Variants in THUMPD2 observed in about 807,000 individuals in gnomAD.
The protein encoded by THUMPD2 is THUMP domain 2 tRNA and snRNA guanosine methyltransferase, also known as U6 snRNA (guanine-N(2))-methyltransferase THUMPD2.
Under a neutral mutation model 49.4 loss-of-function variants are expected in THUMPD2, and 56 were observed. The observed-to-expected ratio is 1.13, with a 90% confidence interval of 0.91 to 1.41. The LOEUF is 1.41. Ranked by LOEUF, THUMPD2 falls within the 40% of genes most tolerant of loss-of-function variation. The pLI is 0.00. For missense variants in THUMPD2, 709 were observed against 594.5 expected (o/e 1.19, Z -2.00); for synonymous variants, 237 against 205.2 (o/e 1.15, Z -1.32).
At chr2:39,774,276 T>C (rs898450854) in intron 1 of THUMPD2, among the ~76,000 whole-genome samples, 5 of 152,262 alleles carry the variant, frequency 3.3e-5, no homozygotes, top group African/African-American at 9.6e-5. Flanking sequence ...CTTTCTTAAA[T>C]GTATGTATAG....
At chr2:39,743,719 A>G (rs1479402109) in intron 9 of THUMPD2, among the ~76,000 whole-genome samples, 2 of 152,106 alleles carry the variant, frequency 1.3e-5, no homozygotes, top group Non-Finnish European at 2.9e-5. Context: ...TTCTGCCATG[A>G]CTAGAAGCAG....
chr2:39,767,306 T>C (rs949576732), intron 4 of THUMPD2, among the ~76,000 whole-genome samples: 4 of 152,050 alleles, frequency 2.6e-5, no homozygotes, highest in African/African-American at 9.7e-5. Flanking sequence ...GAGAAGATGA[T>C]TAAGAATTGG....
intron 4 of THUMPD2, among the ~76,000 whole-genome samples, chr2:39,767,951 T>G (rs1470888716): frequency 6.6e-6 from 1 of 152,192 alleles, no homozygotes; most frequent in Non-Finnish European, 1.5e-5. Context: ...TACAAATACT[T>G]GTTTGTTCCA....
chr2:39,773,661 G>T (rs1191968144), intron 1 of THUMPD2, among the ~76,000 whole-genome samples: 1 of 146,278 alleles, frequency 6.8e-6, no homozygotes, highest in African/African-American at 2.5e-5. Context: ...TGGGGCAAGT[G>T]GTTTCCAAAA....
At chr2:39,756,134 A>G (rs1676085798) in intron 6 of THUMPD2, among the ~76,000 whole-genome samples, 174 bp from the exon 7 acceptor site, 2 of 152,110 alleles carry the variant, frequency 1.3e-5, no homozygotes, top group African/African-American at 4.8e-5. Context: ...AAGTTGAAAG[A>G]TATTTCAGCA....
chr2:39,779,244 G>A lies in THUMPD2; in HGVS notation c.-5C>T, dbSNP rs1218257492. ...CTCTCCACGCGCCTCCGACATGGCGGCTCAGGCGCGCCCTCGCGCCTTCGG... is the reference window on the plus strand; with the variant it reads ...CTCTCCACGCGCCTCCGACATGGCGACTCAGGCGCGCCCTCGCGCCTTCGG... On this transcript the variant is annotated 5_prime_UTR_variant, in exon 1 of 10. Transcript: ENST00000505747. 4.0e-6 allele frequency: 6 copies of A among 1,486,804 alleles called. No homozygotes were observed. The highest frequency in any genetic ancestry group is 2.9e-5 in the East Asian group (1 of 35,048). The allele number at this position is 1,486,804 out of a possible 1,614,324, so 92.1% of individuals were successfully genotyped here.
intron 1 of THUMPD2, among the ~76,000 whole-genome samples, chr2:39,773,277 A>C (rs975845923): frequency 6.6e-6 from 1 of 152,110 alleles, no homozygotes; most frequent in African/African-American, 2.4e-5. Flanking sequence ...TAAAGCCATC[A>C]TAGAACAATT....
chr2:39,773,257 T>C (rs544950846), intron 1 of THUMPD2, among the ~76,000 whole-genome samples: 5 of 152,254 alleles, frequency 3.3e-5, no homozygotes, highest in East Asian at 1.9e-4. Context: ...CATAAGAATA[T>C]AGTTGATACT....
chr2:39,746,413 C>T (rs1203184793), intron 8 of THUMPD2, among the ~76,000 whole-genome samples: 1 of 152,132 alleles, frequency 6.6e-6, no homozygotes, highest in Non-Finnish European at 1.5e-5. Context: ...AGATTGTTGT[C>T]CCCATCTCCG....
At chr2:39,764,461 G>T (rs569337961) in intron 5 of THUMPD2, among the ~76,000 whole-genome samples, 1 of 152,162 alleles carries the variant, frequency 6.6e-6, no homozygotes, top group Non-Finnish European at 1.5e-5. Context: ...TGTACAGAGT[G>T]GCAACAGCTA....
Position 39,744,468 on chromosome 2 carries a change from C to G in THUMPD2, c.1089G>C (p.Leu363Phe). 1.9e-6 allele frequency: 3 copies of G among 1,566,268 alleles called. No homozygotes were observed. In the East Asian group the frequency reaches 7.2e-5, roughly 38 times the overall value. Residue 363 changes from leucine to phenylalanine, a missense_variant, in exon 9 of 10, where the codon TTG becomes TTC. Coordinates refer to ENST00000505747, the MANE Select transcript of THUMPD2 (RefSeq NM_025264.5). ...LLKISVIELP[L>F]PSESVDIIIS... is the part of the protein sequence containing the mutation. ...TAATAATATCAACACTTTCTGAAGG[C>G]AATGGCAATTCTGAAATATAGAAAT... is the stretch of plus-strand genomic sequence containing the variant.
At chr2:39,773,040 C>G (rs573865499) in intron 1 of THUMPD2, among the ~76,000 whole-genome samples, 5 of 152,082 alleles carry the variant, frequency 3.3e-5, no homozygotes, top group Non-Finnish European at 7.4e-5. Flanking sequence ...TGGGAGGAAG[C>G]AGGGAATGAA....
At chr2:39,771,876 T>C (rs1031882767) in intron 1 of THUMPD2, among the ~76,000 whole-genome samples, 2 of 152,166 alleles carry the variant, frequency 1.3e-5, no homozygotes, top group Non-Finnish European at 2.9e-5. Context: ...GTATAATGTA[T>C]TGGACAAATT....
intron 8 of THUMPD2, among the ~76,000 whole-genome samples, chr2:39,752,199 A>T (rs1384128160): frequency 2.0e-5 from 3 of 152,238 alleles, no homozygotes; most frequent in Admixed American, 6.5e-5. Flanking sequence ...GCTGTGTGTT[A>T]CACACTGTAC....
At chr2:39,768,125 T>C (rs918120418) in intron 4 of THUMPD2, among the ~76,000 whole-genome samples, 3 of 152,200 alleles carry the variant, frequency 2.0e-5, no homozygotes, top group African/African-American at 7.2e-5. Context: ...GTGTGTATTA[T>C]AGAGACTATA....
chr2:39,746,920 T>C (rs1201300645), intron 8 of THUMPD2, among the ~76,000 whole-genome samples: 1 of 152,230 alleles, frequency 6.6e-6, no homozygotes, highest in Non-Finnish European at 1.5e-5. Flanking sequence ...AATATTCATA[T>C]TCTGTCTCCT....
At chr2:39,773,463 ATCT>A (rs1318500492) in intron 1 of THUMPD2, among the ~76,000 whole-genome samples, 3 of 150,542 alleles carry the variant, frequency 2.0e-5, no homozygotes, top group African/African-American at 4.9e-5. Context: ...TTGTACAAAG[ATCT>A]TCTTTTCTTA....
chr2:39,757,147 G>C (rs1305221415), intron 6 of THUMPD2: 1 of 338,566 alleles, frequency 3.0e-6, no homozygotes, highest in Non-Finnish European at 5.8e-6. Flanking sequence ...CTCTGACTGG[G>C]GTGATCTGAT....
intron 6 of THUMPD2, chr2:39,757,470 G>A: frequency 8.3e-7 from 1 of 1,203,896 alleles, no homozygotes; most frequent in Non-Finnish European, 1.1e-6. Context: ...GGGGCAGTAA[G>A]GAGCAGAAGG....
Sources: gnomAD v4.1 joint callset for allele counts (sites outside exome capture counted in the v4.1 genomes callset) on GRCh38, gnomAD v4.1.1 for gene constraint, MANE v1.5 for transcripts, NCBI Gene and HGNC (gene_info 2026-07-23, HGNC 2026-07-21) for gene names.